PLEC: variants seen among roughly 807,000 people sequenced by gnomAD.
PLEC encodes hemidesmosomal protein 1.
Under a neutral mutation model 392.8 loss-of-function variants are expected in PLEC, and 216 were observed. That is an observed-to-expected ratio of 0.55 (90% CI 0.49 to 0.62). PLEC has a LOEUF of 0.62. Among genes scored for constraint, PLEC ranks in the 20% least tolerant of loss-of-function variants. PLEC has a pLI of 0.00. For synonymous variants in PLEC, 3,621 were observed against 2,980.6 expected (o/e 1.21, Z -7.00); for missense variants, 6,863 against 6,563.4 (o/e 1.05, Z -1.58).
rs11997227 is a variant in PLEC, at chr8:143,916,158, G to T, written c.*19C>A. On this transcript the variant is annotated 3_prime_UTR_variant, in exon 32 of 32. Transcript: ENST00000345136. ...AGCCGGGCTGGGCCGCATGCAGAGC[G>T]GGGTGGGCGCAGGCAGCCTCAGGCC... 9 of 1,521,914 alleles carry T rather than the reference G, an allele frequency of 5.9e-6. No homozygotes were observed. The highest frequency in any genetic ancestry group is 4.9e-5 in the South Asian group (4 of 82,028). 94.3% of individuals were successfully genotyped at this position (1,521,914 alleles called of 1,614,324 possible).
In PLEC at chr8:143,923,583, G is replaced by A. The variant is rs142322521; in HGVS notation, c.6346C>T (p.Arg2116Trp). ...TGCTCCTCTGCCGACTGCTTCAGCCGCTCGGCCTCTTCCACCTGCCGCCGG... is the reference window on the plus strand; with the variant it reads ...TGCTCCTCTGCCGACTGCTTCAGCCACTCGGCCTCTTCCACCTGCCGCCGG... The part of the protein sequence containing the change: ...QSRRQVEEAE[R>W]LKQSAEEQAQ... The change falls in exon 31 of 32, where the codon CGG (arginine) becomes TGG (tryptophan). Residue 2116 changes from arginine (R) to tryptophan (W), a missense_variant. Coordinates refer to ENST00000345136, the MANE Select transcript of PLEC (RefSeq NM_201384.3). 1.5e-5 allele frequency: 24 copies of A among 1,595,214 alleles called. No individual in the cohort carries two copies. Among genetic ancestry groups the A allele is most frequent in the African/African-American group, 4.0e-5 (3 of 74,618 alleles).
Position 143,929,687 on chromosome 8 carries a change from C to T in PLEC, c.2882G>A (p.Cys961Tyr). 1 of 1,599,212 alleles carries T rather than the reference C, an allele frequency of 6.3e-7. No homozygotes were observed. The highest frequency in any genetic ancestry group is 8.5e-7 in the Non-Finnish European group (1 of 1,179,028). ...RLMAEREYGS[C>Y]SHHYQQLLQS... ...CAGCAGCTGCTGGTAGTGGTGGCTG[C>T]AGGAGCCGTACTCGCGCTCAGCCAT... The change falls in exon 23 of 32, where the codon TGC (cysteine) becomes TAC (tyrosine). Residue 961 changes from cysteine to tyrosine, a missense_variant. Transcript: ENST00000345136.
At chr8:143,935,580 C>A (rs553899079) in intron 6 of PLEC, among the ~76,000 whole-genome samples, 1 of 152,208 alleles carries the variant, frequency 6.6e-6, no homozygotes. Context: ...CCCACCAGGC[C>A]CCTCCGGAGG....
chr8:143,919,425 C>T lies in PLEC; in HGVS notation c.10396G>A (p.Glu3466Lys), dbSNP rs1554678213. The change falls in exon 32 of 32, where the codon GAG (glutamate) becomes AAG (lysine). Residue 3466 changes from glutamate (E) to lysine (K), a missense_variant. Glu to Lys is a moderately conservative substitution (Grantham distance 56). Transcript: ENST00000345136. ...ATGCCGCCCGTGGCGATCTGGGCCT[C>T]CAGCAGGCGGATGCCGTGCTGCCGG... ...VLRQHGIRLL[E>K]AQIATGGIID... 1 of 1,613,380 alleles carries T rather than the reference C, an allele frequency of 6.2e-7. No individual in the cohort carries two copies. The highest frequency in any genetic ancestry group is 1.1e-5 in the South Asian group (1 of 91,054).
Position 143,930,470 on chromosome 8 carries a change from C to A in PLEC, c.2371G>T (p.Val791Phe). ...GGGTGGCGGGGCTTCAGCTGCACGA[C>A]GGCCTTGGCCCGCTTGGCCAGGCCT... ...LSGLAKRAKA[V>F]VQLKPRHPAH... The change falls in exon 20 of 32, where the codon GTC becomes TTC. Residue 791 changes from valine to phenylalanine, a missense_variant. Transcript: ENST00000345136. The A allele has an allele frequency of 4.4e-6, 7 of 1,590,212 alleles. No individual in the cohort carries two copies. The highest frequency in any genetic ancestry group is 6.0e-6 in the Non-Finnish European group (7 of 1,168,960).
rs1554703444 is a variant in PLEC at position 143,925,618 on chromosome 8, G to A, written c.4311C>T (p.Ala1437=). Residue 1437 remains alanine (A), a synonymous_variant, in exon 31 of 32, where the codon GCC becomes GCT. Coordinates refer to ENST00000345136, the MANE Select transcript of PLEC (RefSeq NM_201384.3). ...TGCGCTCAGCCGCCTCTGCCTGCCG[G>A]GCCTTGGCCTGGATCTCCGCCTCCG... ...QSSEAEIQAK[A]RQAEAAERSR... 1.3e-6 allele frequency: 2 copies of A among 1,582,828 alleles called. No individual in the cohort carries two copies. The highest frequency in any genetic ancestry group is 1.7e-5 in the Admixed American group (1 of 58,120).
chr8:143,941,931 C>T (rs1554728935), upstream of PLEC, among the ~76,000 whole-genome samples: 1 of 152,182 alleles, frequency 6.6e-6, no homozygotes, highest in African/African-American at 2.4e-5. Flanking sequence ...AGGAGTATCG[C>T]CCCCGTTTTA....
Position 143,933,274 on chromosome 8 carries a change from G to C in PLEC, c.1341C>G (p.Ser447Arg). 1 of 1,613,190 alleles carries C rather than the reference G, an allele frequency of 6.2e-7. No individual in the cohort carries two copies. Among genetic ancestry groups the C allele is most frequent in the African/African-American group, 1.3e-5 (1 of 75,038 alleles). Residue 447 changes from serine (S) to arginine (R), a missense_variant, in exon 13 of 32, where the codon AGC (serine) becomes AGG (arginine). Coordinates refer to ENST00000345136, the MANE Select transcript of PLEC (RefSeq NM_201384.3). ...CGTCGTTGAAGAGCAGCCGGATCATGCTATCCGCCTTGTCCAAGTCCCGTT... is the reference window on the plus strand; with the variant it reads ...CGTCGTTGAAGAGCAGCCGGATCATCCTATCCGCCTTGTCCAAGTCCCGTT... ...EVERDLDKAD[S>R]MIRLLFNDVQ...
upstream of PLEC, among the ~76,000 whole-genome samples, chr8:143,974,049 C>G (rs1833570800): frequency 6.6e-6 from 1 of 152,236 alleles, no homozygotes; most frequent in African/African-American, 2.4e-5. The surrounding 1 kb of genome is among the most constrained non-coding windows in gnomAD (Gnocchi z 5.9). Context: ...ATCAGATTGG[C>G]AAAGCCCCCG....
rs1554722025 is a variant in PLEC, at chr8:143,935,181, A to G, written c.718+17T>C. ...GCAGCAGGGGAAGGGACAGGGAGGA[A>G]GGCCACGCAGACGTACCCTCAGGGT... On this transcript the variant is annotated intron_variant, in intron 7 of 31. Coordinates refer to ENST00000345136, the MANE Select transcript of PLEC (RefSeq NM_201384.3). 32 of 1,611,702 alleles carry G rather than the reference A, an allele frequency of 2.0e-5. No individual in the cohort carries two copies. The highest frequency in any genetic ancestry group is 2.7e-5 in the Non-Finnish European group (32 of 1,178,914).
chr8:143,952,675 A>G (rs1554737665), upstream of PLEC, among the ~76,000 whole-genome samples: 1 of 150,778 alleles, frequency 6.6e-6, no homozygotes, highest in Non-Finnish European at 1.5e-5. Context: ...CACGATACCC[A>G]CACTGTCCCA....
Position 143,935,256 on chromosome 8 carries a change from G to C in PLEC, c.660C>G (p.Asp220Glu), listed in dbSNP as rs574258066. 1.9e-6 allele frequency: 3 copies of C among 1,612,042 alleles called. No homozygotes were observed. Among genetic ancestry groups the C allele is most frequent in the East Asian group, 4.5e-5 (2 of 44,874 alleles). ...VYRQTNLENL[D>E]QAFSVAERDL... ...CCCGCTCCGCCACAGAGAAGGCCTG[G>C]TCCAGGTTCTCCAGGTTGGTCTGCC... Residue 220 changes from aspartate to glutamate, a missense_variant, in exon 7 of 32, where the codon GAC (aspartate) becomes GAG (glutamate). By Grantham distance (45) the Asp-to-Glu change is conservative (BLOSUM62 2). Transcript: ENST00000345136.
At chr8:143,954,382 C>A (rs976366204), upstream of PLEC, among the ~76,000 whole-genome samples, 3 of 152,198 alleles carry the variant, frequency 2.0e-5, no homozygotes, top group African/African-American at 4.8e-5. This position sits in a 1 kb window ranked among gnomAD's most constrained non-coding sequence, Gnocchi z 4.6. Context: ...ACCTTGTACA[C>A]TGGCTCCAAA....
At chr8:143,967,730 A>T (rs1833185726) in intron 1 of PLEC, among the ~76,000 whole-genome samples, 1 of 152,212 alleles carries the variant, frequency 6.6e-6, no homozygotes, top group Middle Eastern at 3.2e-3. Flanking sequence ...ATGTGAGCAC[A>T]GGAGTTTAAG....
chr8:143,942,557 C>T (rs782800565), upstream of PLEC: 87 of 1,528,864 alleles, frequency 5.7e-5, no homozygotes, highest in Non-Finnish European at 1.1e-5. Flanking sequence ...ACGGACAGTG[C>T]GGGGAGCTGG....
Position 143,919,282 on chromosome 8 carries a change from AAAG to A in PLEC, c.10536_10538del (p.Phe3513del), listed in dbSNP as rs781880183. ...TGAGGTTCTCATGCGTGTTGGGGTCAAAGAAGCCCTTGGTGTCGTCGCTGGGGT... is the reference window on the plus strand; with the variant it reads ...TGAGGTTCTCATGCGTGTTGGGGTCAAAGCCCTTGGTGTCGTCGCTGGGGT... On this transcript the variant is annotated inframe_deletion, in exon 32 of 32. Coordinates refer to ENST00000345136, the MANE Select transcript of PLEC (RefSeq NM_201384.3). The A allele has an allele frequency of 6.2e-6, 10 of 1,613,976 alleles. No homozygotes were observed. Among genetic ancestry groups the A allele is most frequent in the Non-Finnish European group, 8.5e-6 (10 of 1,180,036 alleles).
intron 1 of PLEC, among the ~76,000 whole-genome samples, chr8:143,947,765 A>G (rs536763055): frequency 7.9e-5 from 12 of 152,326 alleles, no homozygotes; most frequent in African/African-American, 2.4e-4. Context: ...AATAAGTAAA[A>G]TAAAAATGAA....
Position 143,922,042 on chromosome 8 carries a change from C to T in PLEC, c.7779G>A (p.Arg2593=), listed in dbSNP as rs1554688077. The change falls in exon 32 of 32, where the codon AGG becomes AGA. Residue 2593 remains arginine (R), a synonymous_variant. Coordinates refer to ENST00000345136, the MANE Select transcript of PLEC (RefSeq NM_201384.3). ...CCAGGAGCTGCAGCTGCTCACGCAG[C>T]CTCTGGTTCTCCTCAGCCAGCAGCT... ...QEELLAEENQ[R]LREQLQLLEE... 2 of 1,595,304 alleles carry T rather than the reference C, an allele frequency of 1.3e-6. No homozygotes were observed. Among genetic ancestry groups the T allele is most frequent in the South Asian group, 2.2e-5 (2 of 90,442 alleles).
intron 30 of PLEC, among the ~76,000 whole-genome samples, chr8:143,926,320 C>T (rs1825168536): frequency 6.6e-6 from 1 of 152,106 alleles, no homozygotes; most frequent in Non-Finnish European, 1.5e-5. Flanking sequence ...AGGCGGCCAG[C>T]GTGGAGACAG....
Sources: gnomAD v4.1 joint callset for allele counts (sites outside exome capture counted in the v4.1 genomes callset) on GRCh38, gnomAD v4.1.1 for gene constraint, Gnocchi (gnomAD v3.1) non-coding constraint, MANE v1.5 for transcripts, NCBI Gene and HGNC (gene_info 2026-07-23, HGNC 2026-07-21) for gene names.